CHN2: variants seen among roughly 807,000 people sequenced by gnomAD.
CHN2 encodes chimerin 2.
In CHN2, 35 loss-of-function variants were observed where a neutral mutation model predicts 56.3. That is an observed-to-expected ratio of 0.62 (90% CI 0.47 to 0.82). The LOEUF is 0.82. CHN2 is among the 40% of genes least tolerant of loss of function. CHN2 has a pLI of 0.00. For missense variants in CHN2, 491 were observed against 580.5 expected, an observed-to-expected ratio of 0.85 and a Z score of 1.58; for synonymous variants, 210 against 212.8, an observed-to-expected ratio of 0.99 and a Z score of 0.12.
chr7:29,406,745 G>T (rs1802685911), intron 6 of CHN2, among the ~76,000 whole-genome samples: 1 of 152,148 alleles, frequency 6.6e-6, no homozygotes, highest in Admixed American at 6.5e-5. Context: ...ACTCTGGGGT[G>T]CCCTCCGCCA....
chr7:29,323,574 C>T (rs1446689432), intron 1 of CHN2, among the ~76,000 whole-genome samples: 2 of 152,044 alleles, frequency 1.3e-5, no homozygotes, highest in Non-Finnish European at 2.9e-5. Flanking sequence ...CGCCTCGCCA[C>T]GTGGGAGATG....
At chr7:29,443,411 T>G (rs1436165148) in intron 6 of CHN2, among the ~76,000 whole-genome samples, 1 of 152,192 alleles carries the variant, frequency 6.6e-6, no homozygotes, top group Non-Finnish European at 1.5e-5. Flanking sequence ...GTAAGTACAC[T>G]AGGTTTGTGT....
chr7:29,312,614 A>G (rs760853083), intron 1 of CHN2, among the ~76,000 whole-genome samples: 2 of 152,178 alleles, frequency 1.3e-5, no homozygotes, highest in Non-Finnish European at 2.9e-5. Context: ...TGACCTAAAT[A>G]ATAATGAGCG....
At chr7:29,284,049 GAC>G (rs1791949611) in intron 1 of CHN2, among the ~76,000 whole-genome samples, 1 of 148,364 alleles carries the variant, frequency 6.7e-6, no homozygotes, top group South Asian at 2.1e-4. Flanking sequence ...CTGTAGCTGG[GAC>G]TACAGACATG....
chr7:29,338,108 AAG>A (rs960083916), intron 1 of CHN2, among the ~76,000 whole-genome samples: 4 of 152,222 alleles, frequency 2.6e-5, no homozygotes, highest in Non-Finnish European at 5.9e-5. Flanking sequence ...AGAGAGACTG[AAG>A]TAACAGCTTG....
At chr7:29,227,931 A>G (rs1786338684) in intron 1 of CHN2, among the ~76,000 whole-genome samples, 1 of 152,116 alleles carries the variant, frequency 6.6e-6, no homozygotes, top group Non-Finnish European at 1.5e-5. Flanking sequence ...CCATTAATAA[A>G]TCAAGATTGA....
At chr7:29,355,308 A>T (rs1798210276) in intron 2 of CHN2, among the ~76,000 whole-genome samples, 1 of 152,122 alleles carries the variant, frequency 6.6e-6, no homozygotes, top group African/African-American at 2.4e-5. Flanking sequence ...ATCGGCAAGG[A>T]CAAATGTGTT....
intron 6 of CHN2, among the ~76,000 whole-genome samples, chr7:29,470,456 G>A (rs1417783050): frequency 6.6e-6 from 1 of 152,200 alleles, no homozygotes; most frequent in Non-Finnish European, 1.5e-5. Flanking sequence ...AGTAGGGATT[G>A]GAGATATTTT....
chr7:29,399,661 C>T (rs1417215110), intron 5 of CHN2, among the ~76,000 whole-genome samples: 1 of 152,186 alleles, frequency 6.6e-6, no homozygotes, highest in Non-Finnish European at 1.5e-5. Flanking sequence ...GAATGGTGTC[C>T]ATGGAAGCCC....
chr7:29,239,394 C>T (rs1185314620), intron 1 of CHN2, among the ~76,000 whole-genome samples: 2 of 152,100 alleles, frequency 1.3e-5, no homozygotes, highest in Non-Finnish European at 2.9e-5. Flanking sequence ...TCTATAGTTC[C>T]ACTGGGACAT....
chr7:29,436,465 C>G (rs1358465799), intron 6 of CHN2, among the ~76,000 whole-genome samples: 1 of 152,142 alleles, frequency 6.6e-6, no homozygotes, highest in South Asian at 2.1e-4. Flanking sequence ...TATAGGTGCT[C>G]AACAAGCATT....
chr7:29,284,974 C>G (rs1420468547), intron 1 of CHN2, among the ~76,000 whole-genome samples: 1 of 152,220 alleles, frequency 6.6e-6, no homozygotes, highest in Non-Finnish European at 1.5e-5. Context: ...GAACTTTGAT[C>G]TAGCCCAGTT....
intron 7 of CHN2, among the ~76,000 whole-genome samples, chr7:29,481,282 C>G (rs1163842543): frequency 2.0e-5 from 3 of 152,120 alleles, no homozygotes; most frequent in African/African-American, 4.8e-5. Flanking sequence ...GAATTGCTTT[C>G]TTTTAAAAAA....
At chr7:29,301,761 A>T (rs893999859) in intron 1 of CHN2, among the ~76,000 whole-genome samples, 1 of 152,240 alleles carries the variant, frequency 6.6e-6, no homozygotes, top group African/African-American at 2.4e-5. Context: ...AACACATTGT[A>T]CAGAAGGAAG....
chr7:29,152,020 T>C (rs1288411117), intron 2 of CHN2, among the ~76,000 whole-genome samples: 1 of 152,238 alleles, frequency 6.6e-6, no homozygotes, highest in Non-Finnish European at 1.5e-5. Context: ...TTTCTTCGAA[T>C]GGAAATAGTG....
intron 1 of CHN2, among the ~76,000 whole-genome samples, chr7:29,210,344 T>C (rs1439694076): frequency 6.6e-6 from 1 of 152,050 alleles, no homozygotes; most frequent in Non-Finnish European, 1.5e-5. Context: ...CCAAGTATGC[T>C]CCAAGGCGGT....
intron 1 of CHN2, among the ~76,000 whole-genome samples, chr7:29,198,408 G>A (rs1195998030): frequency 6.6e-6 from 1 of 152,076 alleles, no homozygotes; most frequent in Admixed American, 6.5e-5. Context: ...TTATTCTATG[G>A]TACCAACTGA....
At chr7:29,264,821 A>G (rs201606446) in intron 1 of CHN2, among the ~76,000 whole-genome samples, 102 of 32,100 alleles carry the variant, frequency 3.2e-3, no homozygotes, top group East Asian at 0.029. Context: ...CTAAAAGGGG[A>G]AAAAAAAAAA....
At chr7:29,214,645 G>A (rs183858074) in intron 1 of CHN2, among the ~76,000 whole-genome samples, 12 of 152,218 alleles carry the variant, frequency 7.9e-5, no homozygotes, top group South Asian at 6.2e-4. Context: ...TGAAAACTTC[G>A]TCATTTCTGA....
Sources: allele counts gnomAD v4.1 joint callset (sites outside exome capture counted in the v4.1 genomes callset), GRCh38; gene constraint gnomAD v4.1.1; transcripts MANE v1.5; gene names NCBI Gene and HGNC (gene_info 2026-07-23, HGNC 2026-07-21).